The following TRAF2 variants were observed in gnomAD, a reference collection of about 807,000 sequenced individuals.
TRAF2 encodes the protein TNF receptor associated factor 2.
A neutral mutation model predicts 55.6 loss-of-function variants in TRAF2; 6 were observed. The observed-to-expected ratio is 0.11, with a 90% CI of 0.06 to 0.21. The LOEUF (loss-of-function observed/expected upper bound fraction) is 0.21. Ranked by LOEUF, TRAF2 falls within the 10% of genes least tolerant of loss-of-function variation. The probability of loss-of-function intolerance (pLI) is 1.00; values close to 1 mark genes in which losing one functional copy is unlikely to be tolerated. For missense variants in TRAF2, 561 were observed against 684.5 expected (o/e 0.82, Z 2.01); for synonymous variants, 329 against 276.3 (o/e 1.19, Z -1.89).
In TRAF2 at chr9:136,886,523, G is replaced by T. The variant is rs1235738748; in HGVS notation, c.-47G>T. The T allele has an allele frequency of 1.0e-6, 1 of 990,078 alleles. No individual in the cohort carries two copies. Among genetic ancestry groups the T allele is most frequent in the Non-Finnish European group, 1.2e-6 (1 of 833,222 alleles). The allele number at this position is 990,078 out of a possible 1,614,324, so 61.3% of individuals were successfully genotyped here. On this transcript the variant is annotated 5_prime_UTR_variant, in exon 1 of 11. Coordinates refer to ENST00000247668, the MANE Select transcript of TRAF2 (RefSeq NM_021138.4). ...GTAGCTGGGCGGGCCCTTAGTTCCGGGCGCGCTGCGACCGTTGGGTGAGGC... is the reference window on the plus strand; with the variant it reads ...GTAGCTGGGCGGGCCCTTAGTTCCGTGCGCGCTGCGACCGTTGGGTGAGGC...
rs1282985246 is a variant in TRAF2 at position 136,886,560 on chromosome 9, CG to C, written c.-29+22del. The C allele has an allele frequency of 1.0e-6, 1 of 956,386 alleles. No homozygotes were observed. Among genetic ancestry groups the C allele is most frequent in the African/African-American group, 1.9e-5 (1 of 53,282 alleles). The allele number at this position is 956,386 out of a possible 1,614,324, so 59.2% of individuals were successfully genotyped here. On this transcript the variant is annotated intron_variant, in intron 1 of 10. Coordinates refer to ENST00000247668, the MANE Select transcript of TRAF2 (RefSeq NM_021138.4). ...CCGTTGGGTGAGGCGAGCGCGGGGT[CG>C]GGTGCGGGGTCGGGCGCGGGCGCGG... is the stretch of plus-strand genomic sequence containing the variant.
At chr9:136,916,817 T>C in intron 7 of TRAF2, 1 of 586,408 alleles carries the variant, frequency 1.7e-6, no homozygotes. Flanking sequence ...GGTGGCATTG[T>C]AGTGCCTGGC....
upstream of TRAF2, among the ~76,000 whole-genome samples, chr9:136,884,050 CTT>C (rs894713302): frequency 7.2e-5 from 11 of 151,734 alleles, no homozygotes; most frequent in Admixed American, 1.3e-4. Flanking sequence ...GTCTCGATCT[CTT>C]GACCTCATGA....
intron 4 of TRAF2, among the ~76,000 whole-genome samples, chr9:136,901,081 T>C (rs1849809647): frequency 7.1e-6 from 1 of 141,542 alleles, no homozygotes; most frequent in South Asian, 2.1e-4. Context: ...CGCACTTCAC[T>C]TGGCTGTGGT....
chr9:136,923,608 C>G (rs12335861), intron 9 of TRAF2, among the ~76,000 whole-genome samples: 1 of 38,406 alleles, frequency 2.6e-5, no homozygotes, highest in Non-Finnish European at 4.1e-5. Context: ...GAGACTCCAT[C>G]TCAAAAAAAA....
chr9:136,888,390 C>G (rs1849501641), intron 1 of TRAF2, among the ~76,000 whole-genome samples: 1 of 152,140 alleles, frequency 6.6e-6, no homozygotes, highest in African/African-American at 2.4e-5. Flanking sequence ...GAGATCGCGC[C>G]ACTGCACTCC....
At chr9:136,896,200 T>C (rs1328287593) in intron 1 of TRAF2, among the ~76,000 whole-genome samples, 1 of 152,182 alleles carries the variant, frequency 6.6e-6, no homozygotes, top group Non-Finnish European at 1.5e-5. Flanking sequence ...CTCACTAGGC[T>C]CTCAGGGGCC....
chr9:136,924,283 G>A (rs1850468085), intron 10 of TRAF2, among the ~76,000 whole-genome samples: 1 of 152,152 alleles, frequency 6.6e-6, no homozygotes, highest in Non-Finnish European at 1.5e-5. Context: ...GGCCGAGTGG[G>A]CGGGGAGTAT....
intron 1 of TRAF2, among the ~76,000 whole-genome samples, chr9:136,891,973 C>T (rs143859092): frequency 2.0e-4 from 31 of 151,872 alleles, no homozygotes; most frequent in Non-Finnish European, 3.7e-4. Context: ...CCGCCTCAGC[C>T]TCCCAAAGTG....
At chr9:136,922,771 G>T (rs1304918946) in intron 9 of TRAF2, among the ~76,000 whole-genome samples, 2 of 132,474 alleles carry the variant, frequency 1.5e-5, no homozygotes, top group Admixed American at 7.4e-5. Context: ...GGAGGACTAG[G>T]ACGGGGGGAG....
intron 9 of TRAF2, among the ~76,000 whole-genome samples, chr9:136,921,968 G>A (rs1457413803): frequency 6.6e-6 from 1 of 152,188 alleles, no homozygotes; most frequent in Non-Finnish European, 1.5e-5. Context: ...ACACGCCCTC[G>A]TGCAGACTTT....
At chr9:136,914,804 C>T (rs963047053) in intron 6 of TRAF2, among the ~76,000 whole-genome samples, 1 of 151,974 alleles carries the variant, frequency 6.6e-6, no homozygotes, top group Non-Finnish European at 1.5e-5. Flanking sequence ...TTCGAAGCAG[C>T]GTCTCTGGGC....
At chr9:136,916,420 A>C (rs1446180778) in intron 6 of TRAF2, 121 bp from the exon 7 acceptor site, 4 of 925,164 alleles carry the variant, frequency 4.3e-6, no homozygotes, top group African/African-American at 1.6e-5. Flanking sequence ...ATTCAGTGTG[A>C]GAGTGAAGAG....
At chr9:136,890,884 G>T (rs990149085) in intron 1 of TRAF2, among the ~76,000 whole-genome samples, 1 of 152,176 alleles carries the variant, frequency 6.6e-6, no homozygotes, top group Non-Finnish European at 1.5e-5. Flanking sequence ...ACGTGAGGCC[G>T]TGTCTGTGAG....
In TRAF2 at chr9:136,924,644, G is replaced by A. The variant is rs17244264; in HGVS notation, c.1287+644G>A. Among the ~76,000 whole-genome samples, 570 of 152,290 alleles carry A rather than the reference G, an allele frequency of 3.7e-3. 4 individuals carry two copies. Among genetic ancestry groups the A allele is most frequent in the African/African-American group, 0.013 (555 of 41,556 alleles). ...TTAGCCCAGGACTCCAGATGTTGAT[G>A]GGCATCTGGACCAGTAGTTTGAAAA... On this transcript the variant is annotated intron_variant, in intron 10 of 10. Transcript: ENST00000247668.
chr9:136,917,975 C>T (rs1850280096), intron 7 of TRAF2, among the ~76,000 whole-genome samples: 1 of 152,030 alleles, frequency 6.6e-6, no homozygotes, highest in Non-Finnish European at 1.5e-5. Context: ...TGTGGCGATG[C>T]TCGCTTCCCG....
chr9:136,925,996 G>C lies in TRAF2; in HGVS notation c.*95G>C. On this transcript the variant is annotated 3_prime_UTR_variant, in exon 11 of 11. Coordinates refer to ENST00000247668, the MANE Select transcript of TRAF2 (RefSeq NM_021138.4). ...TGGGCCAGGGTCTCACTGTACAAGT[G>C]GGCAGGGGCCGCGCTTGGGCGCTTG... The C allele has an allele frequency of 6.7e-7, 1 of 1,490,212 alleles. No individual in the cohort carries two copies. The highest frequency in any genetic ancestry group is 2.3e-5 in the East Asian group (1 of 43,852). The allele number at this position is 1,490,212 out of a possible 1,614,324, so 92.3% of individuals were successfully genotyped here.
chr9:136,906,898 G>C (rs1849967124), intron 4 of TRAF2, among the ~76,000 whole-genome samples: 1 of 152,210 alleles, frequency 6.6e-6, no homozygotes, highest in African/African-American at 2.4e-5. Flanking sequence ...TTCCTCCTGT[G>C]ACTGCTGCGG....
intron 4 of TRAF2, among the ~76,000 whole-genome samples, chr9:136,905,867 G>A (rs1227420687): frequency 2.6e-5 from 4 of 152,196 alleles, no homozygotes; most frequent in Non-Finnish European, 4.4e-5. Context: ...CACTTTGGGA[G>A]GCCAAGGCAG....
Sources: allele counts gnomAD v4.1 joint callset (sites outside exome capture counted in the v4.1 genomes callset), GRCh38; gene constraint gnomAD v4.1.1; transcripts MANE v1.5; gene names NCBI Gene and HGNC (gene_info 2026-07-23, HGNC 2026-07-21).